MDN1: variants seen among roughly 807,000 people sequenced by gnomAD.
MDN1 encodes midasin.
A neutral mutation model predicts 669.2 loss-of-function variants in MDN1; 266 were observed. The observed-to-expected ratio is 0.40, with a 90% CI of 0.36 to 0.44. MDN1 has a LOEUF of 0.44. Ranked by LOEUF, MDN1 falls within the 20% of genes least tolerant of loss-of-function variation. MDN1 has a pLI of 1.00. For synonymous variants in MDN1, 2,385 were observed against 2,457.1 expected, an observed-to-expected ratio of 0.97 and a Z score of 0.87; for missense variants, 5,940 against 6,754.0, an observed-to-expected ratio of 0.88 and a Z score of 4.22.
chr6:89,817,729 T>C (rs1037904792), intron 1 of MDN1, among the ~76,000 whole-genome samples: 11 of 152,186 alleles, frequency 7.2e-5, no homozygotes, highest in Non-Finnish European at 1.5e-4. Context: ...CCTGTGGTCA[T>C]TGCAGGCAGT....
At chr6:89,810,032 T>C (rs914060542) in intron 1 of MDN1, among the ~76,000 whole-genome samples, 4 of 135,416 alleles carry the variant, frequency 3.0e-5, no homozygotes, top group Non-Finnish European at 6.4e-5. Flanking sequence ...AAAAATTAAG[T>C]TTGGAAGATT....
chr6:89,688,205 G>C, intron 66 of MDN1, 32 bp from the exon 67 acceptor site: 1 of 1,574,174 alleles, frequency 6.4e-7, no homozygotes, highest in Non-Finnish European at 8.7e-7. Flanking sequence ...TATCTCAGTA[G>C]GAATACCAGT....
intron 54 of MDN1, 22 bp from the exon 55 acceptor site, chr6:89,701,700 C>A (rs746533094): frequency 6.9e-6 from 11 of 1,605,122 alleles, no homozygotes; most frequent in South Asian, 1.1e-5. Flanking sequence ...AACAAGGGCA[C>A]AGGGGAAATA....
intron 36 of MDN1, among the ~76,000 whole-genome samples, chr6:89,728,674 T>C (rs1175018563): frequency 6.6e-6 from 1 of 152,014 alleles, no homozygotes. Context: ...CTAATAATAA[T>C]ACAAAAATTA....
chr6:89,686,049 T>C (rs1040662626), intron 69 of MDN1, 76 bp from the exon 70 acceptor site: 10 of 1,449,758 alleles, frequency 6.9e-6, no homozygotes, highest in Middle Eastern at 2.0e-4. Context: ...ACGCAATCTA[T>C]TTGGGATACT....
rs111490677 is a variant in MDN1 at position 89,686,196 on chromosome 6, G to A, written c.11573-223C>T. Among the ~76,000 whole-genome samples the A allele has an allele frequency of 6.4e-3, 967 of 152,246 alleles. 8 individuals are homozygous for A. The highest frequency in any genetic ancestry group is 0.022 in the African/African-American group (919 of 41,548). ...TCCCAGCACTCTGGGAGGCCAAGGC[G>A]GGCAGATCATTTGAGGTCAGGAGTT... is the stretch of plus-strand genomic sequence containing the variant. On this transcript the variant is annotated intron_variant, in intron 69 of 101. Coordinates refer to ENST00000369393, the MANE Select transcript of MDN1 (RefSeq NM_014611.3).
chr6:89,790,503 G>GT lies in MDN1; in HGVS notation c.856-103dup, dbSNP rs1327073041. ...TTCTACTAACCTTACACAAACCTCT[G>GT]TAAGTAAATTAGTAGTACCAAAACT... On this transcript the variant is annotated intron_variant, in intron 5 of 101. Coordinates refer to ENST00000369393, the MANE Select transcript of MDN1 (RefSeq NM_014611.3). 3.5e-6 allele frequency: 5 copies of GT among 1,417,756 alleles called. No homozygotes were observed. The African/African-American group carries it at 7.2e-5, about 20-fold the overall frequency. 87.8% of individuals were successfully genotyped at this position (1,417,756 alleles called of 1,614,324 possible).
Position 89,683,857 on chromosome 6 carries a change from A to G in MDN1, c.11877T>C (p.Ile3959=). 6.2e-7 allele frequency: 1 copy of G among 1,613,578 alleles called. No individual in the cohort carries two copies. The change falls in exon 72 of 102, where the codon ATT becomes ATC. Residue 3959 remains isoleucine, a synonymous_variant. Coordinates refer to ENST00000369393, the MANE Select transcript of MDN1 (RefSeq NM_014611.3). ...SKWNDVSFWS[I]KQSVEKTHRT... ...TGTGTGTCTTTTCTACAGATTGCTT[A>G]ATGGACCAGAAGCTGACATCATTCC...
intron 1 of MDN1, among the ~76,000 whole-genome samples, chr6:89,819,228 C>T (rs761895248): frequency 3.4e-4 from 51 of 152,188 alleles, no homozygotes; most frequent in Non-Finnish European, 5.0e-4. Flanking sequence ...GGGAAGGCCA[C>T]CTCTGCCACA....
rs200490394 is a variant in MDN1 at position 89,745,468 on chromosome 6, C to T, written c.4039+24G>A. ...AATGAGTACAACTCAAATCATATTC[C>T]TCTAGGGATTTTGGCCTACTCACCC... On this transcript the variant is annotated intron_variant, in intron 28 of 101. Transcript: ENST00000369393. 1.7e-4 allele frequency: 267 copies of T among 1,613,884 alleles called. 1 individual carries two copies. In the African/African-American group the frequency reaches 3.3e-3, roughly 20 times the overall value.
chr6:89,681,713 G>A (rs749299106), intron 73 of MDN1, among the ~76,000 whole-genome samples: 1 of 152,128 alleles, frequency 6.6e-6, no homozygotes, highest in Non-Finnish European at 1.5e-5. Flanking sequence ...TCTATTATGA[G>A]TTTTGAACCA....
chr6:89,696,243 C>T, intron 60 of MDN1, 117 bp downstream of exon 60: 1 of 1,166,678 alleles, frequency 8.6e-7, no homozygotes. Context: ...GCAGAAAATA[C>T]CCTCACTTCA....
At chr6:89,731,915 A>G (rs1231222462) in intron 34 of MDN1, among the ~76,000 whole-genome samples, 1 of 151,736 alleles carries the variant, frequency 6.6e-6, no homozygotes, top group Admixed American at 6.6e-5. Context: ...TTAAAAAAAA[A>G]AAACTAACTT....
At chr6:89,790,073 T>C in intron 6 of MDN1, 86 bp downstream of exon 6, 2 of 1,598,660 alleles carry the variant, frequency 1.3e-6, no homozygotes, top group South Asian at 1.1e-5. Context: ...CAATAACTAT[T>C]GTTATATTCC....
Position 89,712,678 on chromosome 6 carries a change from G to A in MDN1, c.7327C>T (p.Leu2443Phe). 6.2e-7 allele frequency: 1 copy of A among 1,614,124 alleles called. No individual in the cohort carries two copies. Among genetic ancestry groups the A allele is most frequent in the Non-Finnish European group, 8.5e-7 (1 of 1,179,978 alleles). The stretch of plus-strand genomic sequence containing the variant: ...AGGTGTGAATCTTCAGTAGCAAAGA[G>A]AGCTGAGGGCACAGAATCTGGCCAC... ...GLWPDSVPSALFATEDSHLST... is the reference protein window; with the variant it reads ...GLWPDSVPSAFFATEDSHLST... The change falls in exon 48 of 102, where the codon CTC becomes TTC. Residue 2443 changes from leucine to phenylalanine, a missense_variant. Leu to Phe is a conservative substitution (Grantham distance 22). Transcript: ENST00000369393.
intron 71 of MDN1, among the ~76,000 whole-genome samples, chr6:89,684,138 A>T (rs183413837): frequency 1.1e-4 from 16 of 152,166 alleles, no homozygotes; most frequent in African/African-American, 2.4e-4. Context: ...AGGTAAGGAG[A>T]TTGAGACCAT....
chr6:89,792,499 A>G (rs557984872), intron 5 of MDN1, among the ~76,000 whole-genome samples: 1 of 152,212 alleles, frequency 6.6e-6, no homozygotes, highest in Admixed American at 6.6e-5. Flanking sequence ...TACTGGTTAC[A>G]GGATACGTGG....
chr6:89,772,755 G>A (rs753660716), intron 13 of MDN1, 34 bp from the exon 14 acceptor site: 18 of 1,602,126 alleles, frequency 1.1e-5, no homozygotes, highest in African/African-American at 2.7e-5. Flanking sequence ...TAAAAACCAC[G>A]CTGCAAGCTT....
At chr6:89,773,320 T>A (rs897192963) in intron 13 of MDN1, among the ~76,000 whole-genome samples, 2 of 151,656 alleles carry the variant, frequency 1.3e-5, no homozygotes, top group Admixed American at 6.6e-5. Flanking sequence ...AGCTGGCAGA[T>A]CACAAGGTCA....
Sources: allele counts gnomAD v4.1 joint callset (sites outside exome capture counted in the v4.1 genomes callset), GRCh38; gene constraint gnomAD v4.1.1; transcripts MANE v1.5; gene names NCBI Gene and HGNC (gene_info 2026-07-23, HGNC 2026-07-21).